The following UNC79 variants were observed in gnomAD, a reference collection of about 807,000 sequenced individuals.
UNC79 encodes the protein unc-79 subunit of NALCN channel complex, also known as protein unc-79 homolog.
A neutral mutation model predicts 283.1 loss-of-function variants in UNC79; 37 were observed. The ratio of observed to expected loss-of-function variants is 0.13; its 90% CI spans 0.10 to 0.17. UNC79 has a LOEUF of 0.17. UNC79 is among the 10% of genes least tolerant of loss of function. The probability of loss-of-function intolerance (pLI) is 1.00; values close to 1 mark genes in which losing one functional copy is unlikely to be tolerated. For synonymous variants in UNC79, 1,107 were observed against 1,200.2 expected, an observed-to-expected ratio of 0.92 and a Z score of 1.61; for missense variants, 2,272 against 3,211.1, an observed-to-expected ratio of 0.71 and a Z score of 7.07.
At chr14:93,652,314 G>A (rs894486325) in intron 35 of UNC79, among the ~76,000 whole-genome samples, 1 of 152,028 alleles carries the variant, frequency 6.6e-6, no homozygotes, top group Non-Finnish European at 1.5e-5. Context: ...CCAGGCTGGA[G>A]TGCAGTGGCA....
chr14:93,540,511 A>C (rs931888918), intron 12 of UNC79, 149 bp from the exon 13 acceptor site: 1 of 769,208 alleles, frequency 1.3e-6, no homozygotes, highest in Non-Finnish European at 2.0e-6. Context: ...CAGGATGCAC[A>C]GTACTCAGTA....
At chr14:93,593,161 G>A (rs991368731) in intron 22 of UNC79, among the ~76,000 whole-genome samples, 23 of 152,150 alleles carry the variant, frequency 1.5e-4, no homozygotes, top group Admixed American at 5.9e-4. Flanking sequence ...GGTTGTTGAC[G>A]TTCTTTGATC....
intron 30 of UNC79, among the ~76,000 whole-genome samples, chr14:93,627,740 G>A (rs1191229832): frequency 6.6e-6 from 1 of 152,138 alleles, no homozygotes; most frequent in South Asian, 2.1e-4. Flanking sequence ...ATGGATTCAG[G>A]GAGATATGAA....
At chr14:93,683,064 T>A (rs999177824) in intron 42 of UNC79, among the ~76,000 whole-genome samples, 1 of 152,224 alleles carries the variant, frequency 6.6e-6, no homozygotes, top group African/African-American at 2.4e-5. Context: ...ATCTTTGTGC[T>A]TAAATCTTTG....
At position 93,656,730 on chromosome 14, in the gene UNC79, T is replaced by G. The variant is rs528668149; in HGVS notation, c.6456+1323T>G. ...GCATGTACCTTTTGTCCCAGCTACT[T>G]GGGAGGCTGAGGTGGGAAGATTGCT... is the stretch of plus-strand genomic sequence containing the variant. On this transcript the variant is annotated intron_variant, in intron 38 of 48. Transcript: ENST00000555664. Among the ~76,000 whole-genome samples, 8 of 152,272 alleles carry G rather than the reference T, an allele frequency of 5.3e-5. No individual in the cohort carries two copies. The South Asian group carries it at 8.3e-4, about 16-fold the overall frequency.
At position 93,632,476 on chromosome 14, in the gene UNC79, A is replaced by G. The variant is rs372356041; in HGVS notation, c.5716+1568A>G. 2.0e-5 allele frequency among the ~76,000 whole-genome samples: 3 copies of G among 152,292 alleles called. No homozygotes were observed. The South Asian group carries it at 6.2e-4, about 32-fold the overall frequency. ...GCACTTGGGAAGCTGAGGCAGGAGG[A>G]TCACTTGAGCCCAGGAATTCGAGAC... On this transcript the variant is annotated intron_variant, in intron 31 of 48. Transcript: ENST00000555664.
At chr14:93,602,301 G>T (rs2065566341) in intron 25 of UNC79, among the ~76,000 whole-genome samples, 1 of 152,126 alleles carries the variant, frequency 6.6e-6, no homozygotes, top group South Asian at 2.1e-4. Flanking sequence ...CGAGTATCCA[G>T]TTTCATTCTT....
chr14:93,544,603 C>G (rs930250186), intron 14 of UNC79, among the ~76,000 whole-genome samples: 1 of 152,278 alleles, frequency 6.6e-6, no homozygotes, highest in East Asian at 1.9e-4. Context: ...TCTGAAACTT[C>G]CCTTGAAGTT....
Position 93,593,921 on chromosome 14 carries a change from T to C in UNC79, c.3190+84T>C, listed in dbSNP as rs989224211. The stretch of plus-strand genomic sequence containing the variant: ...ACGGCATCTTTTTTGGCACCTCCTT[T>C]CTTGTCCCTTCTTTTTAAAAGGCAT... On this transcript the variant is annotated intron_variant, in intron 23 of 48. Transcript: ENST00000555664. 2.1e-6 allele frequency: 3 copies of C among 1,412,426 alleles called. No individual in the cohort carries two copies. The African/African-American group carries it at 4.4e-5, about 21-fold the overall frequency. 87.5% of individuals were successfully genotyped at this position (1,412,426 alleles called of 1,614,324 possible).
At chr14:93,580,057 G>A (rs2063699750) in intron 18 of UNC79, 92 bp from the exon 19 acceptor site, 1 of 1,103,558 alleles carries the variant, frequency 9.1e-7, no homozygotes, top group Non-Finnish European at 1.3e-6. Flanking sequence ...CAAGTAGTGT[G>A]CCAATGGAAT....
At chr14:93,687,903 C>T (rs778173559) in intron 43 of UNC79, among the ~76,000 whole-genome samples, 1 of 152,134 alleles carries the variant, frequency 6.6e-6, no homozygotes, top group Non-Finnish European at 1.5e-5. Flanking sequence ...GACATAATCT[C>T]ACCCTCTGAT....
intron 39 of UNC79, among the ~76,000 whole-genome samples, chr14:93,660,026 A>G (rs576728893): frequency 6.6e-6 from 1 of 152,316 alleles, no homozygotes; most frequent in Admixed American, 6.5e-5. Context: ...GGTTCCAATG[A>G]GACCACAAGC....
intron 26 of UNC79, among the ~76,000 whole-genome samples, chr14:93,610,575 C>T (rs1471631320): frequency 1.3e-5 from 2 of 151,940 alleles, no homozygotes; most frequent in African/African-American, 4.8e-5. Context: ...AGTGGAAAAA[C>T]AAATCTAGAG....
intron 1 of UNC79, among the ~76,000 whole-genome samples, chr14:93,452,301 G>C (rs1229559516): frequency 6.6e-6 from 1 of 151,508 alleles, no homozygotes; most frequent in Non-Finnish European, 1.5e-5. Flanking sequence ...TACATCCCCA[G>C]CAACTGGCAC....
intron 48 of UNC79, among the ~76,000 whole-genome samples, chr14:93,705,784 G>C (rs946339020): frequency 4.6e-5 from 7 of 152,226 alleles, no homozygotes; most frequent in African/African-American, 1.7e-4. Flanking sequence ...CAGGGGGATG[G>C]GAGGAAAAGC....
chr14:93,583,803 CTTTT>C (rs386382193), intron 20 of UNC79, among the ~76,000 whole-genome samples: 3 of 127,188 alleles, frequency 2.4e-5, no homozygotes, highest in Admixed American at 1.6e-4. Flanking sequence ...TGTTGGAGGT[CTTTT>C]TTTTTTTTTT....
intron 5 of UNC79, among the ~76,000 whole-genome samples, chr14:93,494,348 A>G (rs2058917256): frequency 1.3e-5 from 2 of 152,170 alleles, no homozygotes; most frequent in South Asian, 4.1e-4. Context: ...ACAACTGAAC[A>G]TGAGATTTGG....
At chr14:93,372,040 C>T (rs780503290) in intron 1 of UNC79, among the ~76,000 whole-genome samples, 1 of 152,026 alleles carries the variant, frequency 6.6e-6, no homozygotes. Flanking sequence ...AGTAGACCTG[C>T]CTTGCAAGAG....
chr14:93,600,454 A>T, intron 24 of UNC79, 115 bp from the exon 25 acceptor site: 1 of 672,138 alleles, frequency 1.5e-6, no homozygotes, highest in Non-Finnish European at 2.4e-6. Flanking sequence ...TATAAGTTTG[A>T]ATTGAGTAGG....
Sources: gnomAD v4.1 joint callset for allele counts (sites outside exome capture counted in the v4.1 genomes callset) on GRCh38, gnomAD v4.1.1 for gene constraint, MANE v1.5 for transcripts, NCBI Gene and HGNC (gene_info 2026-07-23, HGNC 2026-07-21) for gene names.